NALF1: variants seen among roughly 807,000 people sequenced by gnomAD.
NALF1 encodes the protein NALCN channel auxiliary factor 1.
In NALF1, 3 loss-of-function variants were observed where a neutral mutation model predicts 48.4. The ratio of observed to expected loss-of-function variants is 0.06; its 90% CI spans 0.03 to 0.16. The LOEUF (loss-of-function observed/expected upper bound fraction) is 0.16. Ranked by LOEUF, NALF1 falls within the 10% of genes least tolerant of loss-of-function variation. The pLI, the probability that NALF1 is intolerant of heterozygous loss-of-function variation, is 1.00. For synonymous variants in NALF1, 262 were observed against 245.7 expected (o/e 1.07, Z -0.62); for missense variants, 526 against 571.5 (o/e 0.92, Z 0.81).
chr13:107,271,393 G>A (rs1196945880), intron 1 of NALF1, among the ~76,000 whole-genome samples: 2 of 152,164 alleles, frequency 1.3e-5, no homozygotes, highest in Admixed American at 1.3e-4. Context: ...GACAGGAAAT[G>A]TGGGAGGCCT....
chr13:107,326,092 AT>A (rs879602811), intron 1 of NALF1, among the ~76,000 whole-genome samples: 26 of 150,770 alleles, frequency 1.7e-4, no homozygotes, highest in African/African-American at 6.3e-4. Flanking sequence ...TTTCCAAACA[AT>A]TTTTTTAAAA....
chr13:107,380,464 C>T (rs917886234), intron 1 of NALF1, among the ~76,000 whole-genome samples: 5 of 152,084 alleles, frequency 3.3e-5, no homozygotes, highest in African/African-American at 1.2e-4. Flanking sequence ...ATTTGTGTAG[C>T]ACAGAGTCAC....
At chr13:107,271,039 G>A (rs1015312345) in intron 1 of NALF1, among the ~76,000 whole-genome samples, 26 of 152,102 alleles carry the variant, frequency 1.7e-4, no homozygotes, top group African/African-American at 6.0e-4. Flanking sequence ...TCTTAGGTAC[G>A]TTCTGAAGCA....
At chr13:107,564,755 T>C (rs907485636) in intron 1 of NALF1, among the ~76,000 whole-genome samples, 1 of 151,576 alleles carries the variant, frequency 6.6e-6, no homozygotes, top group African/African-American at 2.4e-5. Context: ...GCTGGAAGAG[T>C]GTTGGTGGCA....
intron 1 of NALF1, among the ~76,000 whole-genome samples, chr13:107,543,366 G>A (rs903787872): frequency 6.6e-6 from 1 of 151,894 alleles, no homozygotes; most frequent in Admixed American, 6.6e-5. Context: ...GAATTCAATT[G>A]TAATTAACTT....
chr13:107,455,271 T>C (rs1401571469), intron 1 of NALF1, among the ~76,000 whole-genome samples: 1 of 152,224 alleles, frequency 6.6e-6, no homozygotes, highest in Admixed American at 6.5e-5. Context: ...TCTGGTGGTT[T>C]TCTTTATAGC....
At chr13:107,199,744 T>C (rs1326603381) in intron 2 of NALF1, among the ~76,000 whole-genome samples, 1 of 152,186 alleles carries the variant, frequency 6.6e-6, no homozygotes, top group African/African-American at 2.4e-5. Flanking sequence ...GAGGGTGGGA[T>C]ACAAGGACAA....
At chr13:107,232,578 C>T (rs975990901) in intron 1 of NALF1, among the ~76,000 whole-genome samples, 4 of 152,124 alleles carry the variant, frequency 2.6e-5, no homozygotes, top group Non-Finnish European at 4.4e-5. Flanking sequence ...ACAATAGCTA[C>T]GAATCAGCCC....
rs1187867418 is a variant in NALF1 at position 107,170,501 on chromosome 13, T to C, written c.1373A>G (p.Glu458Gly). 6.3e-7 allele frequency: 1 copy of C among 1,595,578 alleles called. No individual in the cohort carries two copies. The highest frequency in any genetic ancestry group is 2.2e-5 in the East Asian group (1 of 44,480). ...GTGGTGACACTCGTCCTTCCGTTAC[T>C]CCTCATTGGTTGAGTTTTCTTCCAG... ...NTLEENSTNE[E>G] The change falls in exon 3 of 3, where the codon GAG becomes GGG. Residue 458 changes from glutamate to glycine, a missense_variant. Around this residue, in one of 2 missense-constraint regions of NALF1, gnomAD observed 153 missense variants for 215.9 expected, o/e 0.71. Coordinates refer to ENST00000375915, the MANE Select transcript of NALF1 (RefSeq NM_001080396.3).
At chr13:107,446,267 C>T (rs906748644) in intron 1 of NALF1, among the ~76,000 whole-genome samples, 1 of 152,088 alleles carries the variant, frequency 6.6e-6, no homozygotes, top group African/African-American at 2.4e-5. Flanking sequence ...AAATAAAGTT[C>T]CGATAATTCT....
intron 1 of NALF1, among the ~76,000 whole-genome samples, chr13:107,745,090 C>G (rs1876748694): frequency 6.6e-6 from 1 of 152,106 alleles, no homozygotes; most frequent in South Asian, 2.1e-4. Context: ...TATTCCAGTC[C>G]ACGGTGAGGA....
chr13:107,324,360 C>T (rs748851314), intron 1 of NALF1, among the ~76,000 whole-genome samples: 8 of 152,106 alleles, frequency 5.3e-5, no homozygotes, highest in Non-Finnish European at 7.3e-5. Flanking sequence ...AGATTTAATA[C>T]GCTTACCTAA....
chr13:107,283,609 G>A (rs1006143077), intron 1 of NALF1, among the ~76,000 whole-genome samples: 6 of 150,572 alleles, frequency 4.0e-5, no homozygotes, highest in South Asian at 2.1e-4. Flanking sequence ...GAAGCAGAGC[G>A]GATCTTCATT....
intron 1 of NALF1, among the ~76,000 whole-genome samples, chr13:107,336,425 AC>A (rs1364815835): frequency 6.6e-6 from 1 of 152,006 alleles, no homozygotes; most frequent in Non-Finnish European, 1.5e-5. Context: ...TAGAAAAATT[AC>A]ATTTCAGGAG....
intron 1 of NALF1, among the ~76,000 whole-genome samples, chr13:107,610,773 C>T (rs1879204256): frequency 6.6e-6 from 1 of 152,096 alleles, no homozygotes; most frequent in African/African-American, 2.4e-5. Flanking sequence ...AATGATAAAC[C>T]TACGTCCGTT....
intron 1 of NALF1, among the ~76,000 whole-genome samples, chr13:107,855,033 G>A (rs1419127080): frequency 6.6e-6 from 1 of 152,204 alleles, no homozygotes; most frequent in Non-Finnish European, 1.5e-5. Flanking sequence ...CATCTAGAGA[G>A]CAGGCACAGT....
At chr13:107,769,456 C>T (rs1343380854) in intron 1 of NALF1, among the ~76,000 whole-genome samples, 120 of 143,098 alleles carry the variant, frequency 8.4e-4, no homozygotes, top group Non-Finnish European at 1.3e-3. Context: ...AACCAAACAC[C>T]GCATATTCTC....
chr13:107,513,089 A>G (rs188013185), intron 1 of NALF1, among the ~76,000 whole-genome samples: 243 of 152,316 alleles, frequency 1.6e-3, no homozygotes, highest in Admixed American at 3.8e-3. Flanking sequence ...TAAGCATTCA[A>G]AAGAACACAT....
At chr13:107,795,991 G>A (rs1486515342) in intron 1 of NALF1, among the ~76,000 whole-genome samples, 2 of 152,136 alleles carry the variant, frequency 1.3e-5, no homozygotes, top group African/African-American at 4.8e-5. Context: ...AGGCTTAAGG[G>A]ATCTCAGTGT....
Sources: gnomAD v4.1 joint callset for allele counts (sites outside exome capture counted in the v4.1 genomes callset) on GRCh38, gnomAD v4.1.1 for gene constraint, gnomAD v4.1.1 regional missense constraint, MANE v1.5 for transcripts, NCBI Gene and HGNC (gene_info 2026-07-23, HGNC 2026-07-21) for gene names.